Variants in LCTL observed in about 807,000 individuals in gnomAD.
LCTL encodes the protein lactase like, also known as lactase-like protein.
A neutral mutation model predicts 75.8 loss-of-function variants in LCTL; 76 were observed. The ratio of observed to expected loss-of-function variants is 1.00; its 90% CI spans 0.83 to 1.21. LCTL has a LOEUF of 1.21. LCTL is among the 50% of genes most tolerant of loss of function. LCTL has a pLI of 0.00. For synonymous variants in LCTL, 271 were observed against 268.8 expected (o/e 1.01, Z -0.08); for missense variants, 670 against 712.4 (o/e 0.94, Z 0.68).
rs1318980031 is a variant in LCTL, at chr15:66,551,866, A to G, written c.1325-5T>C. 1.9e-6 allele frequency: 3 copies of G among 1,601,258 alleles called. No individual in the cohort carries two copies. Among genetic ancestry groups the G allele is most frequent in the Non-Finnish European group, 2.6e-6 (3 of 1,173,490 alleles). On this transcript the variant is annotated splice_region_variant and splice_polypyrimidine_tract_variant and intron_variant, in intron 10 of 12. Coordinates refer to ENST00000341509, the Ensembl canonical transcript of LCTL. ...TATTAGCACCATCTTTTATAGCTGCAAAGACATTTTATTCCATTTTAAATA... is the reference window on the plus strand; with the variant it reads ...TATTAGCACCATCTTTTATAGCTGCGAAGACATTTTATTCCATTTTAAATA...
At chr15:66,558,881 A>T (rs992133252) in intron 6 of LCTL, among the ~76,000 whole-genome samples, 1 of 151,600 alleles carries the variant, frequency 6.6e-6, no homozygotes, top group South Asian at 2.1e-4. Context: ...CTTTTAGTAG[A>T]GATAGGGTTT....
rs928940581 is a variant in LCTL at position 66,560,018 on chromosome 15, C to T, written c.705+988G>A. Among the ~76,000 whole-genome samples the T allele has an allele frequency of 5.3e-5, 8 of 151,732 alleles. No individual in the cohort carries two copies. In the East Asian group the frequency reaches 7.7e-4, roughly 15 times the overall value. ...AGGAGAATGGCTTGAACCCGGGAGG[C>T]GGAGGTTGCAGTGAGCCGAGATCAC... On this transcript the variant is annotated intron_variant, in intron 6 of 12. Transcript: ENST00000341509.
At chr15:66,564,409 C>A (rs1244178528) in intron 2 of LCTL, 6 of 496,810 alleles carry the variant, frequency 1.2e-5, no homozygotes, top group East Asian at 3.6e-5. Context: ...TTCAGCTCCC[C>A]CTTCACTTGG....
chr15:66,557,637 T>C, intron 8 of LCTL, 85 bp downstream of exon 9: 2 of 1,389,842 alleles, frequency 1.4e-6, no homozygotes, highest in Non-Finnish European at 2.0e-6. Flanking sequence ...CCCAGTGAGC[T>C]CTTCATCCCC....
At chr15:66,553,008 A>G (rs758828724) in exon 9 of LCTL, 12 of 1,476,198 alleles carry the variant, frequency 8.1e-6, no homozygotes, top group Middle Eastern at 1.8e-4. Flanking sequence ...GGAGCCTCCT[A>G]AATCCCCATG....
chr15:66,555,551 A>G (rs1895720945), intron 8 of LCTL, among the ~76,000 whole-genome samples: 1 of 152,176 alleles, frequency 6.6e-6, no homozygotes, highest in South Asian at 2.1e-4. Flanking sequence ...AAAAATAAAA[A>G]AAAAGAAAGA....
At chr15:66,551,662 C>T (rs1895604144) in exon 11 of LCTL, 1 of 1,612,466 alleles carries the variant, frequency 6.2e-7, no homozygotes, top group Non-Finnish European at 8.5e-7. Flanking sequence ...TGAGGCCTAC[C>T]TCTCTTGGAT....
At chr15:66,563,579 G>T (rs754113921) in exon 4 of LCTL, 11 of 1,612,644 alleles carry the variant, frequency 6.8e-6, no homozygotes, top group South Asian at 1.1e-5. Context: ...GAAGGGCATC[G>T]ATAAGATCAC....
chr15:66,557,460 C>A (rs552226544), intron 8 of LCTL, among the ~76,000 whole-genome samples: 1 of 152,162 alleles, frequency 6.6e-6, no homozygotes, highest in African/African-American at 2.4e-5. Flanking sequence ...GGAAGCAGAA[C>A]ATAAGAGAGA....
chr15:66,551,803 A>G (rs199517293), exon 11 of LCTL: 81 of 1,613,894 alleles, frequency 5.0e-5, no homozygotes, highest in Admixed American at 8.3e-5. Context: ...TCTCCCATTC[A>G]AACTTATCCA....
At chr15:66,553,146 A>G in exon 9 of LCTL, 2 of 1,611,970 alleles carry the variant, frequency 1.2e-6, no homozygotes, top group Non-Finnish European at 1.7e-6. Flanking sequence ...TGTACCGAGT[A>G]GTAAAATGAC....
intron 6 of LCTL, among the ~76,000 whole-genome samples, chr15:66,559,331 T>C (rs1895824487): frequency 6.6e-6 from 1 of 152,260 alleles, no homozygotes; most frequent in Admixed American, 6.5e-5. Flanking sequence ...TCTTTCCTTA[T>C]AATTCCTTTT....
exon 3 of LCTL, chr15:66,563,971 G>A: frequency 5.6e-6 from 9 of 1,613,992 alleles, no homozygotes; most frequent in Non-Finnish European, 7.6e-6. Context: ...TGGTTGACGT[G>A]CAGTTCCCTC....
intron 12 of LCTL, 170 bp downstream of exon 13, chr15:66,549,871 A>G: frequency 2.1e-6 from 1 of 473,696 alleles, no homozygotes; most frequent in Non-Finnish European, 3.8e-6. Flanking sequence ...TAAATGCTTT[A>G]AAATGCTTAT....
chr15:66,558,964 G>A lies in LCTL; in HGVS notation c.706-928C>T, dbSNP rs143500267. On this transcript the variant is annotated intron_variant, in intron 6 of 12. Coordinates refer to ENST00000341509, the Ensembl canonical transcript of LCTL. ...GCCCACCTCAGCCTCCCAAAGTGCT[G>A]GAATTGCAGGCATGAGCCACTGTGC... is the stretch of plus-strand genomic sequence containing the variant. Among the ~76,000 whole-genome samples, 18 of 151,980 alleles carry A rather than the reference G, an allele frequency of 1.2e-4. No individual in the cohort carries two copies. The East Asian group carries it at 3.5e-3, about 29-fold the overall frequency.
chr15:66,561,283 A>G (rs371860262), exon 5 of LCTL: 57 of 1,614,072 alleles, frequency 3.5e-5, no homozygotes, highest in Non-Finnish European at 4.4e-5. Context: ...CCATGCTCAC[A>G]TTCTGCCACC....
intron 12 of LCTL, 110 bp downstream of exon 13, chr15:66,549,931 A>T (rs1284291710): frequency 1.7e-6 from 1 of 599,816 alleles, no homozygotes; most frequent in Non-Finnish European, 2.7e-6. Flanking sequence ...AATCATAAGT[A>T]GTTTTGGAAG....
intron 6 of LCTL, among the ~76,000 whole-genome samples, chr15:66,559,040 T>C (rs576029519): frequency 2.6e-5 from 4 of 152,110 alleles, no homozygotes; most frequent in African/African-American, 9.6e-5. Context: ...TTTTGTTTTT[T>C]TTTTCTTGAG....
intron 6 of LCTL, among the ~76,000 whole-genome samples, chr15:66,558,671 G>A (rs1193052647): frequency 9.9e-6 from 1 of 100,974 alleles, no homozygotes; most frequent in Admixed American, 1.1e-4. Flanking sequence ...TGTGGTTTTT[G>A]TGTGTGTGTG....
Sources: gnomAD v4.1 joint callset for allele counts (sites outside exome capture counted in the v4.1 genomes callset) on GRCh38, gnomAD v4.1.1 for gene constraint, MANE v1.5 for transcripts, NCBI Gene and HGNC (gene_info 2026-07-23, HGNC 2026-07-21) for gene names.